The following TNRC6C variants were observed in gnomAD, a reference collection of about 807,000 sequenced individuals.
TNRC6C encodes the protein trinucleotide repeat containing adaptor 6C.
TNRC6C carries 20 observed loss-of-function variants against 153.7 expected under a neutral mutation model. The ratio of observed to expected loss-of-function variants is 0.13; its 90% CI spans 0.09 to 0.19. TNRC6C has a LOEUF of 0.19. TNRC6C is among the 10% of genes least tolerant of loss of function. TNRC6C has a pLI of 1.00. For synonymous variants in TNRC6C, 811 were observed against 841.4 expected (o/e 0.96, Z 0.63); for missense variants, 1,987 against 2,172.0 (o/e 0.91, Z 1.69).
Position 78,049,989 on chromosome 17 carries a change from C to T in TNRC6C, c.927C>T (p.Leu309=), listed in dbSNP as rs563740404. 22 of 1,613,912 alleles carry T rather than the reference C, an allele frequency of 1.4e-5. No individual in the cohort carries two copies. The highest frequency in any genetic ancestry group is 5.5e-5 in the South Asian group (5 of 91,072). Reference sequence around the variant, plus strand: ...GACCTCCTGCTGGTCCTGGAATACTCGCCTGGGGAAGGGGCAGTGGCAACA... The same window carrying T: ...GACCTCCTGCTGGTCCTGGAATACTTGCCTGGGGAAGGGGCAGTGGCAACA... The change falls in exon 3 of 20, where the codon CTC becomes CTT. Residue 309 remains leucine, a synonymous_variant. Coordinates refer to ENST00000301624, the Ensembl canonical transcript of TNRC6C. This position sits in a 1 kb window ranked among gnomAD's most constrained non-coding sequence, Gnocchi z 4.1.
At position 78,083,220 on chromosome 17, in the gene TNRC6C, G is replaced by A. The variant is rs756663962; in HGVS notation, c.3477+54G>A. On this transcript the variant is annotated intron_variant, in intron 11 of 19. Transcript: ENST00000301624. The stretch of plus-strand genomic sequence containing the variant: ...GCACGCAGGCCGAGTGCAGATGCAC[G>A]GCACCTGCTGAGAGCAGCAGTTGTG... The A allele has an allele frequency of 2.4e-4, 386 of 1,606,862 alleles. 1 individual carries two copies. The highest frequency in any genetic ancestry group is 1.9e-4 in the Non-Finnish European group (229 of 1,177,208).
At chr17:78,070,599 A>G (rs912690224) in intron 5 of TNRC6C, among the ~76,000 whole-genome samples, 1 of 152,154 alleles carries the variant, frequency 6.6e-6, no homozygotes, top group Non-Finnish European at 1.5e-5. Context: ...ATGAGCTATA[A>G]GTAACAAATA....
intron 1 of TNRC6C, among the ~76,000 whole-genome samples, chr17:77,969,823 T>C (rs951093013): frequency 2.6e-5 from 4 of 152,018 alleles, no homozygotes; most frequent in Admixed American, 2.0e-4. Context: ...ATTTGAAAAT[T>C]AACATTACTG....
intron 1 of TNRC6C, among the ~76,000 whole-genome samples, chr17:77,997,657 T>G (rs993020788): frequency 9.2e-5 from 14 of 152,034 alleles, no homozygotes; most frequent in Admixed American, 3.9e-4. Flanking sequence ...TAACGTTGTT[T>G]TTTTTTTTTA....
At chr17:78,067,636 C>A in intron 4 of TNRC6C, 121 bp from the exon 7 acceptor site, 1 of 1,004,206 alleles carries the variant, frequency 1.0e-6, no homozygotes, top group Non-Finnish European at 1.4e-6. Flanking sequence ...GAAATGAAGG[C>A]ATAAAAAGGT....
chr17:78,091,364 A>T (rs1417766666), intron 13 of TNRC6C, 76 bp from the exon 16 acceptor site: 1 of 1,387,872 alleles, frequency 7.2e-7, no homozygotes, highest in African/African-American at 1.5e-5. Context: ...GAAGACTGAA[A>T]TAGCTTCTAT....
chr17:78,043,362 T>C (rs2072339391), intron 2 of TNRC6C, among the ~76,000 whole-genome samples: 1 of 152,224 alleles, frequency 6.6e-6, no homozygotes, highest in Non-Finnish European at 1.5e-5. Context: ...GGTTGGTTGA[T>C]TGGTTCCTTC....
At chr17:78,019,142 C>T (rs969213953) in intron 1 of TNRC6C, among the ~76,000 whole-genome samples, 1 of 152,006 alleles carries the variant, frequency 6.6e-6, no homozygotes, top group Non-Finnish European at 1.5e-5. Flanking sequence ...AGTGACTGAG[C>T]ATGATGAGAC....
intron 4 of TNRC6C, 31 bp downstream of exon 6, chr17:78,064,968 G>A (rs1338937728): frequency 6.4e-7 from 1 of 1,573,308 alleles, no homozygotes; most frequent in Non-Finnish European, 8.6e-7. Flanking sequence ...GCCCTGATCT[G>A]GCAATTTGGA....
intron 1 of TNRC6C, among the ~76,000 whole-genome samples, chr17:77,978,192 C>T (rs1221269666): frequency 6.6e-6 from 1 of 152,178 alleles, no homozygotes; most frequent in Non-Finnish European, 1.5e-5. Context: ...CCACCGCGCC[C>T]GGCCTAAAAC....
chr17:78,088,806 A>T (rs1286071769), intron 13 of TNRC6C, among the ~76,000 whole-genome samples: 2 of 151,988 alleles, frequency 1.3e-5, no homozygotes, highest in Non-Finnish European at 1.5e-5. Context: ...CACATAGCAA[A>T]CACTTTGTAA....
At chr17:78,065,188 A>C (rs886866660) in intron 4 of TNRC6C, among the ~76,000 whole-genome samples, 1 of 151,990 alleles carries the variant, frequency 6.6e-6, no homozygotes, top group Non-Finnish European at 1.5e-5. Context: ...GTCACTACAA[A>C]AAAAAATTGA....
At chr17:78,026,081 AG>A (rs59077074) in intron 1 of TNRC6C, among the ~76,000 whole-genome samples, 6,535 of 152,278 alleles carry the variant, frequency 0.043, 484 homozygotes, top group African/African-American at 0.15. Context: ...TGAGGTCTCT[AG>A]CCTTAGTATT....
At chr17:78,000,618 G>GGCCCCCCC (rs1555628252), upstream of TNRC6C, among the ~76,000 whole-genome samples, 1 of 13,048 alleles carries the variant, frequency 7.7e-5, no homozygotes, top group Non-Finnish European at 1.3e-4. Flanking sequence ...TTCTCCCTCC[G>GGCCCCCCC]CCCCCCCCCC....
intron 11 of TNRC6C, among the ~76,000 whole-genome samples, chr17:78,086,058 G>A (rs1027085692): frequency 4.6e-5 from 7 of 151,906 alleles, no homozygotes; most frequent in Non-Finnish European, 8.8e-5. Context: ...ATGGCTGGGC[G>A]CCGTGGCTCA....
Position 78,083,538 on chromosome 17 carries a change from C to T in TNRC6C, c.3477+372C>T, listed in dbSNP as rs560835801. On this transcript the variant is annotated intron_variant, in intron 11 of 19. Transcript: ENST00000301624. ...TGTGTTCAGAAAATCTACCAATCTA[C>T]CAGATTTTATAATTAGGCATGTCTT... Among the ~76,000 whole-genome samples the T allele has an allele frequency of 4.4e-4, 67 of 152,296 alleles. 1 individual carries two copies. The highest frequency in any genetic ancestry group is 1.6e-3 in the African/African-American group (66 of 41,554).
At chr17:78,026,797 A>G (rs1482641857) in intron 1 of TNRC6C, among the ~76,000 whole-genome samples, 1 of 152,190 alleles carries the variant, frequency 6.6e-6, no homozygotes, top group Admixed American at 6.5e-5. Flanking sequence ...AGTCTCTTAC[A>G]GTACTCCAGC....
At chr17:78,089,977 T>A (rs904455643) in intron 13 of TNRC6C, among the ~76,000 whole-genome samples, 1 of 152,096 alleles carries the variant, frequency 6.6e-6, no homozygotes, top group African/African-American at 2.4e-5. Context: ...TTTGGAGCAT[T>A]CTGAAGGCCA....
chr17:78,009,976 G>A (rs557759856), intron 1 of TNRC6C, among the ~76,000 whole-genome samples: 11 of 151,938 alleles, frequency 7.2e-5, no homozygotes, highest in South Asian at 2.1e-4. Flanking sequence ...CACCACCTCC[G>A]AGGCTCAAGT....
Sources: gnomAD v4.1 joint callset for allele counts (sites outside exome capture counted in the v4.1 genomes callset) on GRCh38, gnomAD v4.1.1 for gene constraint, Gnocchi (gnomAD v3.1) non-coding constraint, MANE v1.5 for transcripts, NCBI Gene and HGNC (gene_info 2026-07-23, HGNC 2026-07-21) for gene names.